Variants in CLPX observed in about 807,000 individuals in gnomAD.
CLPX encodes ATP-dependent clpX-like chaperone, mitochondrial.
CLPX carries 34 observed loss-of-function variants against 76.4 expected under a neutral mutation model. That is an observed-to-expected ratio of 0.45 (90% CI 0.34 to 0.59). CLPX has a LOEUF of 0.59. CLPX is among the 20% of genes least tolerant of loss of function. The pLI is 0.01. For missense variants in CLPX, 613 were observed against 757.0 expected, an observed-to-expected ratio of 0.81 and a Z score of 2.23; for synonymous variants, 248 against 270.9, an observed-to-expected ratio of 0.92 and a Z score of 0.83.
chr15:65,158,494 C>A (rs1262373271), intron 7 of CLPX, 81 bp downstream of exon 7: 2 of 1,190,064 alleles, frequency 1.7e-6, no homozygotes, highest in Non-Finnish European at 2.4e-6. Flanking sequence ...CGTAATACTT[C>A]AATCGCAAGA....
chr15:65,154,722 T>C (rs1484324291), intron 11 of CLPX, 60 bp downstream of exon 11: 5 of 1,332,734 alleles, frequency 3.8e-6, no homozygotes, highest in Non-Finnish European at 3.1e-6. Flanking sequence ...GGTTAATTTA[T>C]GTAGAATTTC....
rs896563788 is a variant in CLPX, at chr15:65,185,259, G to A, written c.-106C>T. On this transcript the variant is annotated 5_prime_UTR_variant, in exon 1 of 14. Transcript: ENST00000300107. Reference sequence around the variant, plus strand: ...TGACTCGGTTCCGAACCCTTTCGCGGGCCCTAGACCCCGTGGAGAGTTCAC... The same window carrying A: ...TGACTCGGTTCCGAACCCTTTCGCGAGCCCTAGACCCCGTGGAGAGTTCAC... The A allele has an allele frequency of 8.3e-5, 75 of 900,836 alleles. No individual in the cohort carries two copies. Among genetic ancestry groups the A allele is most frequent in the Non-Finnish European group, 1.0e-4 (60 of 578,952 alleles). The allele number at this position is 900,836 out of a possible 1,614,324, so 55.8% of individuals were successfully genotyped here. A position where few individuals can be genotyped will look rare whatever the true frequency, so the allele number is the denominator to read the frequency against.
intron 3 of CLPX, among the ~76,000 whole-genome samples, chr15:65,176,191 G>C (rs1196520003): frequency 6.6e-6 from 1 of 152,148 alleles, no homozygotes; most frequent in Non-Finnish European, 1.5e-5. Flanking sequence ...ACAAATTCTA[G>C]GACTCCATCC....
intron 12 of CLPX, among the ~76,000 whole-genome samples, chr15:65,152,813 T>C (rs2140609685): frequency 6.6e-6 from 1 of 151,864 alleles, no homozygotes; most frequent in South Asian, 2.1e-4. Context: ...TCCAGGCTGG[T>C]CTTGAACTCC....
chr15:65,170,090 A>C (rs906931315), intron 3 of CLPX, among the ~76,000 whole-genome samples: 8 of 151,880 alleles, frequency 5.3e-5, no homozygotes, highest in African/African-American at 1.9e-4. Flanking sequence ...CTGTCTTGCT[A>C]TGTTGTCCAG....
chr15:65,151,344 CAAAAAAAAAAAAA>C (rs571760722), intron 13 of CLPX, among the ~76,000 whole-genome samples: 4 of 59,300 alleles, frequency 6.7e-5, no homozygotes, highest in African/African-American at 2.0e-4. Context: ...GACTGAGTCT[CAAAAAAAAAAAAA>C]AAAAAAAAAG....
At chr15:65,168,564 C>T (rs2087951600) in intron 3 of CLPX, among the ~76,000 whole-genome samples, 1 of 122,256 alleles carries the variant, frequency 8.2e-6, no homozygotes, top group Admixed American at 1.1e-4. Context: ...CACTTGGACA[C>T]AGGGTGGGGA....
In CLPX at chr15:65,152,531, C is replaced by A; in HGVS notation, c.1710G>T (p.Lys570Asn). 2 of 1,503,146 alleles carry A rather than the reference C, an allele frequency of 1.3e-6. No homozygotes were observed. Among genetic ancestry groups the A allele is most frequent in the South Asian group, 1.4e-5 (1 of 73,618 alleles). The allele number at this position is 1,503,146 out of a possible 1,614,324, so 93.1% of individuals were successfully genotyped here. The change falls in exon 13 of 14, where the codon AAG becomes AAT. Residue 570 changes from lysine to asparagine, a missense_variant. Lys to Asn is a moderately conservative substitution (Grantham distance 94, BLOSUM62 0). Coordinates refer to ENST00000300107, the MANE Select transcript of CLPX (RefSeq NM_006660.5). ...CTTCAAACATTGGTTCTAGTAACAG[C>A]TTTTCCTAAAGAAATAAAAAGTAAT... Reference protein sequence around the residue: ...GARGLRSIMEKLLLEPMFEVP... With the variant: ...GARGLRSIMENLLLEPMFEVP...
chr15:65,166,118 C>A (rs2140629714), intron 4 of CLPX, among the ~76,000 whole-genome samples: 1 of 152,254 alleles, frequency 6.6e-6, no homozygotes, highest in Non-Finnish European at 1.5e-5. Flanking sequence ...CTAAAGAGTC[C>A]ACACTACCAA....
Position 65,162,627 on chromosome 15 carries a change from C to T in CLPX, c.692G>A (p.Arg231Gln), listed in dbSNP as rs749081927. The T allele has an allele frequency of 1.1e-5, 17 of 1,585,596 alleles. No individual in the cohort carries two copies. The highest frequency in any genetic ancestry group is 2.2e-5 in the South Asian group (2 of 89,290). ...LTPRELEIRR[R>Q]EDEYRFTKLL... ...ACTTGTAAATCTGTACTCATCCTCC[C>T]GTCTTCTTATTTCTAACTCTAAGAA... is the stretch of plus-strand genomic sequence containing the variant. Residue 231 changes from arginine (R) to glutamine (Q), a missense_variant, in exon 6 of 14, where the codon CGG (arginine) becomes CAG (glutamine). Physicochemically the swap from Arg to Gln is conservative, Grantham distance 43. Around this residue, in one of 2 missense-constraint regions of CLPX, gnomAD observed 450 missense variants for 638.6 expected, o/e 0.70. Coordinates refer to ENST00000300107, the MANE Select transcript of CLPX (RefSeq NM_006660.5).
At position 65,185,166 on chromosome 15, in the gene CLPX, T is replaced by A. The variant is rs534967085; in HGVS notation, c.-13A>T. On this transcript the variant is annotated 5_prime_UTR_variant, in exon 1 of 14. Coordinates refer to ENST00000300107, the MANE Select transcript of CLPX (RefSeq NM_006660.5). ...CGCAGCTGGGCATCTCCGCGAGGCC[T>A]AGGCCGGGGCTTCGCCCCCTGAGGA... The A allele has an allele frequency of 6.4e-7, 1 of 1,556,772 alleles. No homozygotes were observed.
In CLPX at chr15:65,153,582, G is replaced by T; in HGVS notation, c.1669C>A (p.Arg557=). 2 of 1,599,542 alleles carry T rather than the reference G, an allele frequency of 1.3e-6. No individual in the cohort carries two copies. The highest frequency in any genetic ancestry group is 2.3e-5 in the East Asian group (1 of 43,962). ...LKAIARLALE[R]KTGARGLRSI... ...CGAAGGCCTCGTGCACCTGTTTTTC[G>T]TTCTAGTGCCAATCTGGCTATAGCT... The change falls in exon 12 of 14, where the codon CGA becomes AGA. Residue 557 remains arginine, a synonymous_variant. Transcript: ENST00000300107.
intron 6 of CLPX, among the ~76,000 whole-genome samples, chr15:65,161,571 A>T (rs2087856641): frequency 6.6e-6 from 1 of 152,228 alleles, no homozygotes. Context: ...ATCACTACAT[A>T]TATTACATGA....
At chr15:65,179,445 TG>T (rs1349863630) in intron 2 of CLPX, among the ~76,000 whole-genome samples, 1 of 152,170 alleles carries the variant, frequency 6.6e-6, no homozygotes, top group African/African-American at 2.4e-5. Flanking sequence ...ATCTCTAAAA[TG>T]GGAATAATTT....
chr15:65,154,675 T>A, intron 11 of CLPX, 107 bp downstream of exon 11: 1 of 758,532 alleles, frequency 1.3e-6, no homozygotes, highest in Non-Finnish European at 2.1e-6. Flanking sequence ...AGGAATAGGC[T>A]GGTATTCTAG....
Position 65,185,127 on chromosome 15 carries a change from G to A in CLPX, c.27C>T (p.Cys9=), listed in dbSNP as rs766900625. The change falls in exon 1 of 14, where the codon TGC becomes TGT. Residue 9 remains cysteine (C), a synonymous_variant. Transcript: ENST00000300107. MPSCGACT[C]GAAAVRLITS... Reference sequence around the variant, plus strand: ...TGATGAGCCGGACGGCCGCCGCGCCGCAAGTACAAGCACCGCAGCTGGGCA... The same window carrying A: ...TGATGAGCCGGACGGCCGCCGCGCCACAAGTACAAGCACCGCAGCTGGGCA... The A allele has an allele frequency of 6.3e-7, 1 of 1,576,774 alleles. No homozygotes were observed. The highest frequency in any genetic ancestry group is 2.3e-5 in the East Asian group (1 of 43,480).
At position 65,185,228 on chromosome 15, in the gene CLPX, G is replaced by T. The variant is rs1401785078; in HGVS notation, c.-75C>A. Reference sequence around the variant, plus strand: ...CAGCGGCGTGAATCCTGCCCGCAAGGCGCGCTGACTCGGTTCCGAACCCTT... The same window carrying T: ...CAGCGGCGTGAATCCTGCCCGCAAGTCGCGCTGACTCGGTTCCGAACCCTT... On this transcript the variant is annotated 5_prime_UTR_variant, in exon 1 of 14. Coordinates refer to ENST00000300107, the MANE Select transcript of CLPX (RefSeq NM_006660.5). 1 of 1,290,480 alleles carries T rather than the reference G, an allele frequency of 7.7e-7. No homozygotes were observed. Among genetic ancestry groups the T allele is most frequent in the Non-Finnish European group, 1.1e-6 (1 of 919,780 alleles). The allele number at this position is 1,290,480 out of a possible 1,614,324, so 79.9% of individuals were successfully genotyped here.
At chr15:65,171,113 G>A (rs1028846312) in intron 3 of CLPX, among the ~76,000 whole-genome samples, 2 of 151,820 alleles carry the variant, frequency 1.3e-5, no homozygotes, top group African/African-American at 4.8e-5. Flanking sequence ...GAGCCACTGC[G>A]CCCAGCCATG....
chr15:65,155,002 C>T lies in CLPX; in HGVS notation c.1391G>A (p.Gly464Glu). The change falls in exon 11 of 14, where the codon GGG becomes GAG. Residue 464 changes from glycine (G) to glutamate (E), a missense_variant. By Grantham distance (98) the Gly-to-Glu change is moderately conservative. This residue lies in a region of CLPX where 450 missense variants were observed against 638.6 expected (regional missense o/e 0.70). Coordinates refer to ENST00000300107, the MANE Select transcript of CLPX (RefSeq NM_006660.5). ...AATGTCTTGGTGAGTATTCGATTCC[C>T]CACTTCGATTAGCAAGGTCTGCAGC... is the stretch of plus-strand genomic sequence containing the variant. ...AAAADLANRS[G>E]ESNTHQDIEE... is the part of the protein sequence containing the mutation. 3.7e-6 allele frequency: 6 copies of T among 1,614,138 alleles called. No homozygotes were observed. Among genetic ancestry groups the T allele is most frequent in the Non-Finnish European group, 5.1e-6 (6 of 1,180,016 alleles).
Sources: allele counts gnomAD v4.1 joint callset (sites outside exome capture counted in the v4.1 genomes callset), GRCh38; gene constraint gnomAD v4.1.1; regional missense constraint gnomAD v4.1.1; transcripts MANE v1.5; gene names NCBI Gene and HGNC (gene_info 2026-07-23, HGNC 2026-07-21).